CCDC7: variants seen among roughly 807,000 people sequenced by gnomAD.
CCDC7 encodes coiled-coil domain containing 7, also known as coiled-coil domain-containing protein 7.
Under a neutral mutation model 196.9 loss-of-function variants are expected in CCDC7, and 183 were observed. The ratio of observed to expected loss-of-function variants is 0.93; its 90% confidence interval spans 0.82 to 1.05. The LOEUF is 1.05. CCDC7 is among the 50% of genes least tolerant of loss of function. The pLI, the probability that CCDC7 is intolerant of heterozygous loss-of-function variation, is 0.00. For missense variants in CCDC7, 1,540 were observed against 1,482.2 expected (o/e 1.04, Z -0.64); for synonymous variants, 525 against 484.6 (o/e 1.08, Z -1.10).
chr10:32,694,012 A>G (rs2077393001), intron 23 of CCDC7, among the ~76,000 whole-genome samples: 1 of 152,242 alleles, frequency 6.6e-6, no homozygotes, highest in South Asian at 2.1e-4. Context: ...CAATAATTAT[A>G]CAAATGCAGA....
exon 30 of CCDC7, chr10:32,805,016 G>T: frequency 6.3e-7 from 1 of 1,592,480 alleles, no homozygotes. Context: ...TTTCTATAGA[G>T]ACTGATATAG....
At chr10:32,548,381 A>C (rs1356077197) in intron 13 of CCDC7, among the ~76,000 whole-genome samples, 1 of 152,202 alleles carries the variant, frequency 6.6e-6, no homozygotes, top group Non-Finnish European at 1.5e-5. Flanking sequence ...AGGGTGACTC[A>C]GGACGGAGCA....
intron 9 of CCDC7, among the ~76,000 whole-genome samples, chr10:32,505,443 T>TC (rs2044763093): frequency 2.0e-5 from 3 of 152,102 alleles, no homozygotes; most frequent in Admixed American, 2.0e-4. Flanking sequence ...CCACCCTTAA[T>TC]CCATTTAACC....
At chr10:32,558,047 C>T (rs1011010906) in intron 13 of CCDC7, among the ~76,000 whole-genome samples, 1 of 152,124 alleles carries the variant, frequency 6.6e-6, no homozygotes, top group African/African-American at 2.4e-5. Flanking sequence ...AGCATATTTT[C>T]CTTTATGCTG....
chr10:32,680,485 G>A (rs534263480), intron 21 of CCDC7, among the ~76,000 whole-genome samples: 2 of 151,850 alleles, frequency 1.3e-5, no homozygotes, highest in Non-Finnish European at 1.5e-5. Context: ...CAACATGCAA[G>A]TTTGTTACAT....
At chr10:32,794,392 A>G (rs1467391576) in intron 29 of CCDC7, among the ~76,000 whole-genome samples, 1 of 152,154 alleles carries the variant, frequency 6.6e-6, no homozygotes, top group African/African-American at 2.4e-5. Flanking sequence ...TTTTGAGTGC[A>G]TGTGTCTTTT....
chr10:32,706,578 C>A (rs985379466), intron 24 of CCDC7, among the ~76,000 whole-genome samples: 3 of 151,762 alleles, frequency 2.0e-5, no homozygotes, highest in Non-Finnish European at 4.4e-5. Context: ...GCTAGCAAGA[C>A]TAATAAAGAA....
chr10:32,791,726 G>A (rs1196111403), intron 29 of CCDC7, among the ~76,000 whole-genome samples: 1 of 152,018 alleles, frequency 6.6e-6, no homozygotes, highest in Non-Finnish European at 1.5e-5. Context: ...AAGGACTTAT[G>A]AGACATCATT....
intron 28 of CCDC7, among the ~76,000 whole-genome samples, chr10:32,733,306 T>C (rs1199519875): frequency 1.3e-5 from 2 of 152,146 alleles, no homozygotes. Context: ...TATTGCTGGA[T>C]AATTGATATG....
chr10:32,616,660 C>A (rs71493134), intron 18 of CCDC7, among the ~76,000 whole-genome samples: 2,122 of 149,698 alleles, frequency 0.014, 25 homozygotes, highest in Non-Finnish European at 0.023. Context: ...TTTTTGTTTT[C>A]TCTTGCATGA....
At chr10:32,640,155 A>T (rs1014318257) in intron 20 of CCDC7, among the ~76,000 whole-genome samples, 21 of 152,200 alleles carry the variant, frequency 1.4e-4, no homozygotes, top group African/African-American at 5.1e-4. Flanking sequence ...AAAGTCTCCC[A>T]TTATTATTTT....
intron 13 of CCDC7, among the ~76,000 whole-genome samples, chr10:32,559,199 G>T (rs2054923514): frequency 6.6e-6 from 1 of 152,244 alleles, no homozygotes; most frequent in Admixed American, 6.5e-5. Context: ...CACAGCTCAA[G>T]GAGGCCTGCC....
At chr10:32,631,267 T>A (rs918989876) in intron 18 of CCDC7, among the ~76,000 whole-genome samples, 2 of 152,364 alleles carry the variant, frequency 1.3e-5, no homozygotes, top group East Asian at 3.9e-4. Flanking sequence ...TCTATTTTTT[T>A]ATAAAGGGTT....
chr10:32,851,349 T>C (rs2093557772), intron 39 of CCDC7, among the ~76,000 whole-genome samples: 1 of 152,206 alleles, frequency 6.6e-6, no homozygotes, highest in South Asian at 2.1e-4. Context: ...TTCAGGAGCA[T>C]ATTGTTTAAT....
intron 9 of CCDC7, among the ~76,000 whole-genome samples, chr10:32,506,105 A>C (rs1390149908): frequency 1.3e-5 from 1 of 74,834 alleles, no homozygotes; most frequent in African/African-American, 5.1e-5. Flanking sequence ...CTTCCCAGAC[A>C]GGGCGGCCAG....
chr10:32,457,397 CT>C (rs959657839), intron 3 of CCDC7, among the ~76,000 whole-genome samples: 1 of 152,118 alleles, frequency 6.6e-6, no homozygotes, highest in African/African-American at 2.4e-5. Context: ...TCCATTCCCC[CT>C]ATATGCCACA....
At chr10:32,586,358 T>C (rs1011865945) in intron 18 of CCDC7, among the ~76,000 whole-genome samples, 18 of 152,236 alleles carry the variant, frequency 1.2e-4, no homozygotes, top group Non-Finnish European at 1.9e-4. Context: ...TCTTTTGCTG[T>C]GCAGAAACTC....
chr10:32,644,714 G>T (rs1000717588), intron 20 of CCDC7, among the ~76,000 whole-genome samples: 3 of 152,082 alleles, frequency 2.0e-5, no homozygotes, highest in Admixed American at 2.0e-4. Context: ...TTTTATAAGG[G>T]GTTTTTGCTT....
At chr10:32,644,312 G>C (rs916948796) in intron 20 of CCDC7, among the ~76,000 whole-genome samples, 1 of 152,106 alleles carries the variant, frequency 6.6e-6, no homozygotes, top group African/African-American at 2.4e-5. Flanking sequence ...ATGTCTAACT[G>C]TATCTGTGTA....
Sources: allele counts gnomAD v4.1 joint callset (sites outside exome capture counted in the v4.1 genomes callset), GRCh38; gene constraint gnomAD v4.1.1; transcripts MANE v1.5; gene names NCBI Gene and HGNC (gene_info 2026-07-23, HGNC 2026-07-21).